Variants in PRKRA observed in about 807,000 individuals in gnomAD.
The protein encoded by PRKRA is protein activator of interferon induced protein kinase EIF2AK2.
PRKRA carries 22 observed loss-of-function variants against 32.4 expected under a neutral mutation model. That is an observed-to-expected ratio of 0.68 (90% CI 0.49 to 0.97). The LOEUF is 0.97. Ranked by LOEUF, PRKRA falls within the 50% of genes least tolerant of loss-of-function variation. The probability of loss-of-function intolerance (pLI) is 0.00; values close to 1 mark genes in which losing one functional copy is unlikely to be tolerated. For missense variants in PRKRA, 319 were observed against 375.6 expected, an observed-to-expected ratio of 0.85 and a Z score of 1.25; for synonymous variants, 139 against 129.8, an observed-to-expected ratio of 1.07 and a Z score of -0.48.
intron 1 of PRKRA, 87 bp downstream of exon 1, chr2:178,450,879 G>A (rs1199454448): frequency 2.4e-6 from 3 of 1,249,800 alleles, no homozygotes; most frequent in Non-Finnish European, 3.1e-6. Flanking sequence ...GCTTTACCCA[G>A]AATGCCTCTG....
Position 178,444,375 on chromosome 2 carries a change from A to C in PRKRA, c.396+47T>G, listed in dbSNP as rs1443820541. On this transcript the variant is annotated intron_variant, in intron 4 of 7. Transcript: ENST00000325748. ...CTTGTGTTAGCCCCTCTGACATTAC[A>C]AACTTATTATATATTTCATCAGTAG... 2.6e-6 allele frequency: 3 copies of C among 1,144,272 alleles called. No individual in the cohort carries two copies. In the Admixed American group the frequency reaches 7.4e-5, roughly 28 times the overall value. 70.9% of individuals were successfully genotyped at this position (1,144,272 alleles called of 1,614,324 possible). A position where few individuals can be genotyped will look rare whatever the true frequency, so the allele number is the denominator to read the frequency against.
chr2:178,450,666 A>G (rs1226683677), intron 1 of PRKRA: 1 of 1,432,874 alleles, frequency 7.0e-7, no homozygotes, highest in Non-Finnish European at 9.1e-7. Context: ...TCTCAACAGA[A>G]CAGGGCTGGC....
Position 178,450,620 on chromosome 2 carries a change from C to A in PRKRA, c.66-209G>T, listed in dbSNP as rs1410267538. The A allele has an allele frequency of 2.7e-6, 4 of 1,457,056 alleles. No homozygotes were observed. The East Asian group carries it at 7.4e-5, about 27-fold the overall frequency. 90.3% of individuals were successfully genotyped at this position (1,457,056 alleles called of 1,614,324 possible). On this transcript the variant is annotated intron_variant, in intron 1 of 7. Transcript: ENST00000325748. ...CAGGAGCAGGCGGGGTGAGCGAGGT[C>A]TTTAGAGAGAGCACTTGAATGCGGG... is the stretch of plus-strand genomic sequence containing the variant.
At chr2:178,450,592 C>T in intron 1 of PRKRA, 181 bp from the exon 2 acceptor site, 3 of 1,487,642 alleles carry the variant, frequency 2.0e-6, no homozygotes, top group Non-Finnish European at 2.7e-6. Flanking sequence ...GGCAGTCACT[C>T]CGCAGGAGCA....
intron 6 of PRKRA, among the ~76,000 whole-genome samples, chr2:178,436,701 T>C (rs1696912030): frequency 6.6e-6 from 1 of 152,030 alleles, no homozygotes. Flanking sequence ...AGAACAATTT[T>C]CATATCTTTG....
chr2:178,437,285 C>A (rs916419850), intron 6 of PRKRA, among the ~76,000 whole-genome samples: 4 of 152,174 alleles, frequency 2.6e-5, no homozygotes, highest in African/African-American at 9.7e-5. Context: ...AGTACAGTCT[C>A]TTTTCCTTAC....
At chr2:178,444,059 G>C (rs1262059526) in intron 4 of PRKRA, 1 of 191,298 alleles carries the variant, frequency 5.2e-6, no homozygotes, top group Non-Finnish European at 1.1e-5. Context: ...CTTCAGTTAG[G>C]TTCACTGATT....
chr2:178,440,287 CTTATT>C (rs1266954057), intron 6 of PRKRA: 4 of 152,066 alleles, frequency 2.6e-5, no homozygotes, highest in African/African-American at 7.2e-5. Flanking sequence ...AGAATGAGCC[CTTATT>C]TTATCATAAG....
rs756005650 is a variant in PRKRA at position 178,436,225 on chromosome 2, C to G, written c.704G>C (p.Ser235Thr). The change falls in exon 7 of 8, where the codon AGT becomes ACT. Residue 235 changes from serine (S) to threonine (T), a missense_variant. Physicochemically the swap from Ser to Thr is moderately conservative, Grantham distance 58 (BLOSUM62 1). Coordinates refer to ENST00000325748, the MANE Select transcript of PRKRA (RefSeq NM_003690.5). Reference protein sequence around the residue: ...KINLLKRSLLSIPNTDYIQLL... With the variant: ...KINLLKRSLLTIPNTDYIQLL... ...CTGGATGTAATCTGTATTTGGAATA[C>G]TAAGGAGGCTTCTTTTCAGTAAGTT... 1.9e-5 allele frequency: 31 copies of G among 1,612,970 alleles called. No individual in the cohort carries two copies. In the East Asian group the frequency reaches 4.7e-4, roughly 24 times the overall value.
chr2:178,432,556 A>G (rs1696707956), intron 7 of PRKRA, among the ~76,000 whole-genome samples: 2 of 152,186 alleles, frequency 1.3e-5, no homozygotes, highest in South Asian at 4.1e-4. Context: ...CCTACACTTA[A>G]AAAAATAACA....
chr2:178,442,513 A>C (rs1188073871), intron 5 of PRKRA, among the ~76,000 whole-genome samples: 1 of 152,216 alleles, frequency 6.6e-6, no homozygotes, highest in African/African-American at 2.4e-5. Context: ...TTATAGATTA[A>C]AAAACTGAGG....
At chr2:178,447,337 G>T in intron 3 of PRKRA, 168 bp downstream of exon 3, 1 of 1,214,286 alleles carries the variant, frequency 8.2e-7, no homozygotes, top group Non-Finnish European at 1.1e-6. Flanking sequence ...GGATTTGATT[G>T]GATAAAGTTT....
chr2:178,447,493 A>G lies in PRKRA; in HGVS notation c.317+12T>C. 1.0e-6 allele frequency: 1 copy of G among 983,982 alleles called. No individual in the cohort carries two copies. Among genetic ancestry groups the G allele is most frequent in the East Asian group, 2.9e-5 (1 of 34,542 alleles). The allele number at this position is 983,982 out of a possible 1,614,324, so 61.0% of individuals were successfully genotyped here. ...ATTTTTGAGCTGCTGAATACAAAGA[A>G]ATTTAGCTCACCAAATACTTGCATT... On this transcript the variant is annotated intron_variant, in intron 3 of 7. Transcript: ENST00000325748.
At chr2:178,440,494 G>A (rs1326674933) in intron 6 of PRKRA, among the ~76,000 whole-genome samples, 1 of 152,110 alleles carries the variant, frequency 6.6e-6, no homozygotes, top group Non-Finnish European at 1.5e-5. Flanking sequence ...TATTCCATAA[G>A]CTATTCCATA....
intron 7 of PRKRA, 83 bp from the exon 8 acceptor site, chr2:178,432,337 T>TA: frequency 1.5e-6 from 2 of 1,295,832 alleles, no homozygotes; most frequent in Admixed American, 4.9e-5. Context: ...CAATTCTTAT[T>TA]ATTGTCTTTC....
intron 6 of PRKRA, 44 bp from the exon 7 acceptor site, chr2:178,436,363 G>A (rs1696897282): frequency 9.0e-7 from 1 of 1,109,890 alleles, no homozygotes; most frequent in Non-Finnish European, 1.2e-6. Context: ...CTAGGACTGG[G>A]TTCCAACACC....
intron 7 of PRKRA, 123 bp from the exon 8 acceptor site, chr2:178,432,377 C>T: frequency 7.8e-7 from 1 of 1,274,368 alleles, no homozygotes; most frequent in Non-Finnish European, 1.1e-6. Flanking sequence ...TACTACACCA[C>T]TCGCAATCTT....
intron 7 of PRKRA, among the ~76,000 whole-genome samples, chr2:178,435,319 G>A (rs146541278): frequency 0.029 from 4,292 of 147,584 alleles, 192 homozygotes; most frequent in African/African-American, 0.095. Context: ...GGAGGCAGAG[G>A]TTGCAGTGAG....
At chr2:178,446,173 C>G (rs925937085) in intron 3 of PRKRA, among the ~76,000 whole-genome samples, 8 of 151,794 alleles carry the variant, frequency 5.3e-5, no homozygotes, top group African/African-American at 1.9e-4. Context: ...TGCCACCATG[C>G]CTGGCTAATT....
Sources: allele counts gnomAD v4.1 joint callset (sites outside exome capture counted in the v4.1 genomes callset), GRCh38; gene constraint gnomAD v4.1.1; transcripts MANE v1.5; gene names NCBI Gene and HGNC (gene_info 2026-07-23, HGNC 2026-07-21).